SGMS1: variants seen among roughly 807,000 people sequenced by gnomAD.
SGMS1 encodes the protein phosphatidylcholine:ceramide cholinephosphotransferase 1.
In SGMS1, 13 loss-of-function variants were observed where a neutral mutation model predicts 46.2. That is an observed-to-expected ratio of 0.28 (90% CI 0.18 to 0.45). SGMS1 has a LOEUF of 0.45. Among genes scored for constraint, SGMS1 ranks in the 20% least tolerant of loss-of-function variants. The pLI is 1.00. For synonymous variants in SGMS1, 203 were observed against 187.8 expected (o/e 1.08, Z -0.66); for missense variants, 324 against 519.9 (o/e 0.62, Z 3.66).
At chr10:50,312,647 CCCAG>C (rs1194276414) in intron 8 of SGMS1, among the ~76,000 whole-genome samples, 1 of 152,092 alleles carries the variant, frequency 6.6e-6, no homozygotes, top group Admixed American at 6.5e-5. Context: ...GAATTCTGTA[CCCAG>C]CCATATTACT....
At chr10:50,590,801 C>G (rs1364680423) in intron 1 of SGMS1, 1 of 152,110 alleles carries the variant, frequency 6.6e-6, no homozygotes, top group Non-Finnish European at 1.5e-5. Flanking sequence ...CTATAGTCAC[C>G]ATGCATTAGG....
chr10:50,619,400 AAAG>A (rs1407608446), intron 1 of SGMS1, among the ~76,000 whole-genome samples: 1 of 152,258 alleles, frequency 6.6e-6, no homozygotes, highest in African/African-American at 2.4e-5. Context: ...TTGAATAAAA[AAAG>A]AATGAAATCT....
At chr10:50,476,677 A>T (rs76304615) in intron 3 of SGMS1, among the ~76,000 whole-genome samples, 54,266 of 151,972 alleles carry the variant, frequency 0.36, 9,966 homozygotes, top group African/African-American at 0.42. Context: ...GGCCTAGGAC[A>T]CCACTGCGCT....
chr10:50,537,390 C>G (rs772448268), intron 2 of SGMS1, among the ~76,000 whole-genome samples: 4 of 141,312 alleles, frequency 2.8e-5, no homozygotes, highest in Non-Finnish European at 4.6e-5. Flanking sequence ...TTTCATGATG[C>G]TAACACTTAA....
At chr10:50,323,700 A>G (rs1409099450) in intron 8 of SGMS1, among the ~76,000 whole-genome samples, 1 of 152,170 alleles carries the variant, frequency 6.6e-6, no homozygotes, top group Non-Finnish European at 1.5e-5. Flanking sequence ...CATTTCCTCT[A>G]TACCATGTCA....
chr10:50,499,904 C>T (rs1269729707), intron 3 of SGMS1, among the ~76,000 whole-genome samples: 1 of 152,220 alleles, frequency 6.6e-6, no homozygotes, highest in Non-Finnish European at 1.5e-5. Flanking sequence ...CGCAGTGGCT[C>T]ACGCCTGTAA....
At chr10:50,381,934 A>G (rs1479713346) in intron 6 of SGMS1, among the ~76,000 whole-genome samples, 2 of 152,212 alleles carry the variant, frequency 1.3e-5, no homozygotes, top group Non-Finnish European at 2.9e-5. Flanking sequence ...TTTGCTGCCA[A>G]GTTTGAAAAA....
At chr10:50,462,122 C>T (rs1205425217) in intron 4 of SGMS1, among the ~76,000 whole-genome samples, 1 of 151,984 alleles carries the variant, frequency 6.6e-6, no homozygotes, top group African/African-American at 2.4e-5. Flanking sequence ...AATAACAATG[C>T]ACAGTGGTGT....
rs58933927 is a variant in SGMS1, at chr10:50,355,605, C to T, written c.-231-11260G>A. Among the ~76,000 whole-genome samples the T allele has an allele frequency of 8.4e-3, 1,275 of 152,240 alleles. 33 individuals carry two copies. The East Asian group carries it at 0.092, about 11-fold the overall frequency. On this transcript the variant is annotated intron_variant, in intron 6 of 10. Transcript: ENST00000361781. ...TGTTGCCCAGGCTGGAGTGCAGTGG[C>T]GTGATCTCGGCTCGCTACAACCTCC...
chr10:50,599,295 C>G (rs1838626464), intron 1 of SGMS1, among the ~76,000 whole-genome samples: 1 of 152,226 alleles, frequency 6.6e-6, no homozygotes. Flanking sequence ...GTCCTAACTG[C>G]TTTTGCCCTT....
chr10:50,357,052 T>C (rs899989891), intron 6 of SGMS1, among the ~76,000 whole-genome samples: 2 of 151,554 alleles, frequency 1.3e-5, no homozygotes, highest in African/African-American at 2.4e-5. Flanking sequence ...TGTATACCTG[T>C]ACCCTAAAAC....
At chr10:50,323,093 A>G (rs1157135039) in intron 8 of SGMS1, among the ~76,000 whole-genome samples, 1 of 152,182 alleles carries the variant, frequency 6.6e-6, no homozygotes, top group Admixed American at 6.5e-5. Context: ...CATTTATGGG[A>G]AGCCTACTTT....
intron 2 of SGMS1, among the ~76,000 whole-genome samples, chr10:50,535,481 T>A (rs1412118496): frequency 6.6e-6 from 1 of 152,026 alleles, no homozygotes; most frequent in Non-Finnish European, 1.5e-5. Context: ...TTCTCCTGCC[T>A]CAGCTTCTCA....
intron 6 of SGMS1, among the ~76,000 whole-genome samples, chr10:50,373,080 C>T (rs1848467234): frequency 6.6e-6 from 1 of 152,154 alleles, no homozygotes; most frequent in Non-Finnish European, 1.5e-5. Context: ...TCAAAATCCT[C>T]CTCAGCAGTA....
intron 2 of SGMS1, among the ~76,000 whole-genome samples, chr10:50,580,003 G>T (rs779671537): frequency 6.6e-6 from 1 of 152,166 alleles, no homozygotes; most frequent in Non-Finnish European, 1.5e-5. Context: ...TTACATAGAA[G>T]GCTGTTTATG....
intron 7 of SGMS1, among the ~76,000 whole-genome samples, chr10:50,336,788 T>C (rs973204864): frequency 6.6e-6 from 1 of 152,182 alleles, no homozygotes; most frequent in African/African-American, 2.4e-5. Flanking sequence ...CTTCTCCAAG[T>C]CTCAGTTTTC....
chr10:50,359,904 C>T (rs1848219803), intron 6 of SGMS1, among the ~76,000 whole-genome samples: 1 of 152,080 alleles, frequency 6.6e-6, no homozygotes, highest in Non-Finnish European at 1.5e-5. Flanking sequence ...GGGTTAACTT[C>T]TTAACCCTTA....
intron 3 of SGMS1, among the ~76,000 whole-genome samples, chr10:50,489,247 G>A (rs1269241273): frequency 6.6e-6 from 1 of 152,180 alleles, no homozygotes; most frequent in Non-Finnish European, 1.5e-5. Context: ...AGCACCATAA[G>A]CAATAGGCAA....
intron 2 of SGMS1, among the ~76,000 whole-genome samples, chr10:50,551,732 T>C (rs993748718): frequency 6.6e-6 from 1 of 152,074 alleles, no homozygotes; most frequent in South Asian, 2.1e-4. Flanking sequence ...CCATACCCCA[T>C]ACCCAGGCTT....
Sources: allele counts gnomAD v4.1 joint callset (sites outside exome capture counted in the v4.1 genomes callset), GRCh38; gene constraint gnomAD v4.1.1; transcripts MANE v1.5; gene names NCBI Gene and HGNC (gene_info 2026-07-23, HGNC 2026-07-21).